MARK3: variants seen among roughly 807,000 people sequenced by gnomAD.
The protein encoded by MARK3 is microtubule affinity regulating kinase 3.
In MARK3, 46 loss-of-function variants were observed where a neutral mutation model predicts 90.1. The ratio of observed to expected loss-of-function variants is 0.51; its 90% confidence interval spans 0.40 to 0.65. The LOEUF is 0.65. MARK3 is among the 30% of genes least tolerant of loss of function. MARK3 has a pLI of 0.00. For synonymous variants in MARK3, 321 were observed against 332.6 expected, an observed-to-expected ratio of 0.97 and a Z score of 0.38; for missense variants, 818 against 947.2, an observed-to-expected ratio of 0.86 and a Z score of 1.79.
Position 103,485,063 on chromosome 14 carries a change from CAAAA to C in MARK3, c.1586+4587_1586+4590del, listed in dbSNP as rs34312214. Among the ~76,000 whole-genome samples the C allele has an allele frequency of 6.5e-4, 64 of 97,750 alleles. 1 individual carries two copies. The highest frequency in any genetic ancestry group is 6.2e-3 in the Middle Eastern group (1 of 162). 64.1% of individuals were successfully genotyped at this position (97,750 alleles called of 152,430 possible). A position where few individuals can be genotyped will look rare whatever the true frequency, so the allele number is the denominator to read the frequency against. ...AGAAACCCCATCTCTACTAAAAATACAAAAAAAAAAAAAAAAATTAGCCAGGCAT... is the reference window on the plus strand; with the variant it reads ...AGAAACCCCATCTCTACTAAAAATACAAAAAAAAAAAAATTAGCCAGGCAT... On this transcript the variant is annotated intron_variant, in intron 14 of 17. Coordinates refer to ENST00000429436, the MANE Select transcript of MARK3 (RefSeq NM_001128918.3).
At chr14:103,427,137 C>T (rs1475534449) in intron 2 of MARK3, among the ~76,000 whole-genome samples, 1 of 146,068 alleles carries the variant, frequency 6.8e-6, no homozygotes, top group East Asian at 2.0e-4. Flanking sequence ...TATAACAATA[C>T]GTTTATTAGT....
intron 4 of MARK3, among the ~76,000 whole-genome samples, chr14:103,450,068 T>A (rs1331422885): frequency 6.6e-5 from 10 of 152,330 alleles, no homozygotes; most frequent in African/African-American, 2.4e-4. Context: ...ACTTTAAAGG[T>A]GTTCTTGTTT....
intron 14 of MARK3, among the ~76,000 whole-genome samples, chr14:103,481,421 C>T (rs761212731): frequency 1.1e-4 from 16 of 152,096 alleles, no homozygotes; most frequent in Non-Finnish European, 2.1e-4. Flanking sequence ...TGTTTGATCT[C>T]ATTAGTCAAA....
At chr14:103,442,308 T>G (rs1326786278) in intron 3 of MARK3, among the ~76,000 whole-genome samples, 1 of 151,242 alleles carries the variant, frequency 6.6e-6, no homozygotes, top group Non-Finnish European at 1.5e-5. Context: ...GGGCGGAGCT[T>G]GCAGTGAGCG....
chr14:103,465,111 G>A (rs1205802618), intron 7 of MARK3, among the ~76,000 whole-genome samples: 1 of 152,098 alleles, frequency 6.6e-6, no homozygotes, highest in Non-Finnish European at 1.5e-5. Flanking sequence ...GGGATTACAG[G>A]TGTGTACCAC....
chr14:103,491,721 GACTGTA>G, intron 14 of MARK3, 50 bp from the exon 15 acceptor site: 1 of 1,574,926 alleles, frequency 6.3e-7, no homozygotes, highest in Non-Finnish European at 8.6e-7. Context: ...GGTATATTGT[GACTGTA>G]AATTTTTGTA....
At chr14:103,386,260 G>A (rs2140404096) in intron 1 of MARK3, 180 bp downstream of exon 1, 2 of 722,606 alleles carry the variant, frequency 2.8e-6, no homozygotes, top group South Asian at 1.5e-5. Flanking sequence ...GTGTCCCGCT[G>A]TTCGCGGGCG....
rs184644136 is a variant in MARK3, at chr14:103,436,353, A to T, written c.297+7913A>T. On this transcript the variant is annotated intron_variant, in intron 3 of 17. Transcript: ENST00000429436. ...TCCTTTCTCTATTGGGTGAAGCACA[A>T]GTTATTTTGGAAATCCTTTTCATTG... Among the ~76,000 whole-genome samples the T allele has an allele frequency of 5.5e-4, 83 of 151,232 alleles. 2 individuals are homozygous for T. The highest frequency in any genetic ancestry group is 1.0e-4 in the Non-Finnish European group (7 of 67,924).
chr14:103,399,633 A>C (rs1444237550), intron 1 of MARK3, among the ~76,000 whole-genome samples: 1 of 148,020 alleles, frequency 6.8e-6, no homozygotes, highest in East Asian at 2.0e-4. Flanking sequence ...CGGGAGGCGG[A>C]GCTTGCAGTG....
intron 1 of MARK3, among the ~76,000 whole-genome samples, chr14:103,390,519 C>T (rs1390948214): frequency 7.2e-5 from 11 of 152,016 alleles, no homozygotes; most frequent in Non-Finnish European, 1.0e-4. Context: ...TTCCCCGGGC[C>T]ACATTGGAAG....
In MARK3 at chr14:103,386,089, C is replaced by G. The variant is rs541669877; in HGVS notation, c.51+9C>G. On this transcript the variant is annotated intron_variant, in intron 1 of 17. Transcript: ENST00000429436. ...AACGAGACACTGAAAACGTAAGTAA[C>G]CTGGGCGTTGTAGTTGGCGGACCTT... 9 of 1,613,934 alleles carry G rather than the reference C, an allele frequency of 5.6e-6. No individual in the cohort carries two copies. The East Asian group carries it at 1.6e-4, about 28-fold the overall frequency.
chr14:103,416,766 C>CT (rs1194000315), intron 2 of MARK3, among the ~76,000 whole-genome samples: 1 of 152,030 alleles, frequency 6.6e-6, no homozygotes, highest in Non-Finnish European at 1.5e-5. Context: ...GAGCAAAACT[C>CT]TGTCTCAAAA....
chr14:103,503,080 G>A lies in MARK3; in HGVS notation c.2115G>A (p.Gly705=). The change falls in exon 18 of 18, where the codon GGG becomes GGA. Residue 705 remains glycine (G), a synonymous_variant. Coordinates refer to ENST00000429436, the MANE Select transcript of MARK3 (RefSeq NM_001128918.3). ...RFLLFCVHGD[G]HAENLVQWEM... ...TGCTCTTCTGCGTCCACGGAGATGG[G>A]CACGCGGAGAACCTCGTGCAGTGGG... 1 of 1,614,218 alleles carries A rather than the reference G, an allele frequency of 6.2e-7. No homozygotes were observed. Among genetic ancestry groups the A allele is most frequent in the South Asian group, 1.1e-5 (1 of 91,088 alleles).
chr14:103,453,568 A>G (rs2093205393), intron 5 of MARK3, among the ~76,000 whole-genome samples: 1 of 152,294 alleles, frequency 6.6e-6, no homozygotes, highest in South Asian at 2.1e-4. Flanking sequence ...CTCCTAATTC[A>G]TTATTAGTTG....
At chr14:103,441,063 A>G (rs1293890967) in intron 3 of MARK3, among the ~76,000 whole-genome samples, 1 of 151,218 alleles carries the variant, frequency 6.6e-6, no homozygotes, top group Admixed American at 6.6e-5. Flanking sequence ...GTACGTATTC[A>G]TCTTTTGTTT....
At chr14:103,464,322 G>A (rs1325964857) in intron 7 of MARK3, among the ~76,000 whole-genome samples, 5 of 129,030 alleles carry the variant, frequency 3.9e-5, no homozygotes, top group East Asian at 2.2e-4. Context: ...TTTTTGAGAC[G>A]GAGTCTCACT....
Position 103,494,991 on chromosome 14 carries a change from A to ATT in MARK3, c.1844+2958_1844+2959dup, listed in dbSNP as rs150891871. Among the ~76,000 whole-genome samples the ATT allele has an allele frequency of 1.8e-3, 272 of 152,384 alleles. 3 individuals carry two copies. Among genetic ancestry groups the ATT allele is most frequent in the African/African-American group, 6.4e-3 (266 of 41,588 alleles). On this transcript the variant is annotated intron_variant, in intron 15 of 17. Coordinates refer to ENST00000429436, the MANE Select transcript of MARK3 (RefSeq NM_001128918.3). ...TTTATACATATAAATATGTATGTAC[A>ATT]TTATATATATGCATATTTTATGTAT... is the stretch of plus-strand genomic sequence containing the variant.
At chr14:103,477,400 G>A (rs1235936563) in intron 13 of MARK3, among the ~76,000 whole-genome samples, 1 of 152,092 alleles carries the variant, frequency 6.6e-6, no homozygotes, top group African/African-American at 2.4e-5. Context: ...GCTGAGGCAG[G>A]AGAATTGCTT....
At chr14:103,424,871 C>T (rs2092349038) in intron 2 of MARK3, among the ~76,000 whole-genome samples, 1 of 152,134 alleles carries the variant, frequency 6.6e-6, no homozygotes, top group Admixed American at 6.5e-5. Context: ...GTTAAAACAC[C>T]AGAAGCCCTG....
Sources: gnomAD v4.1 joint callset for allele counts (sites outside exome capture counted in the v4.1 genomes callset) on GRCh38, gnomAD v4.1.1 for gene constraint, MANE v1.5 for transcripts, NCBI Gene and HGNC (gene_info 2026-07-23, HGNC 2026-07-21) for gene names.